Variants in PSD observed in about 807,000 individuals in gnomAD.
PSD encodes pleckstrin and Sec7 domain containing.
In PSD, 32 loss-of-function variants were observed where a neutral mutation model predicts 91.6. That is an observed-to-expected ratio of 0.35 (90% CI 0.26 to 0.47). PSD has a LOEUF of 0.47. Ranked by LOEUF, PSD falls within the 20% of genes least tolerant of loss-of-function variation. The pLI, the probability that PSD is intolerant of heterozygous loss-of-function variation, is 1.00. For synonymous variants in PSD, 532 were observed against 569.3 expected, an observed-to-expected ratio of 0.93 and a Z score of 0.93; for missense variants, 1,099 against 1,373.9, an observed-to-expected ratio of 0.80 and a Z score of 3.16.
intron 7 of PSD, 139 bp from the exon 8 acceptor site, chr10:102,411,958 C>A (rs2061429456): frequency 1.1e-6 from 1 of 905,654 alleles, no homozygotes; most frequent in Non-Finnish European, 1.8e-6. Context: ...TGCACCCTGA[C>A]CCTCCACCCA....
In PSD at chr10:102,412,522, G is replaced by C; in HGVS notation, c.1607C>G (p.Thr536Arg). The C allele has an allele frequency of 6.2e-7, 1 of 1,613,980 alleles. No homozygotes were observed. The highest frequency in any genetic ancestry group is 8.5e-7 in the Non-Finnish European group (1 of 1,180,002). The change falls in exon 6 of 17, where the codon ACA becomes AGA. Residue 536 changes from threonine to arginine, a missense_variant. Physicochemically the swap from Thr to Arg is moderately conservative, Grantham distance 71. Transcript: ENST00000020673. ...VSDSDSELDS[T>R]ERLALGSTDT... is the part of the protein sequence containing the mutation. ...TGTGCTTCCCAGGGCCAGCCGCTCTGTGCTGTCCAGCTCTGAGTCTGAGTC... is the reference window on the plus strand; with the variant it reads ...TGTGCTTCCCAGGGCCAGCCGCTCTCTGCTGTCCAGCTCTGAGTCTGAGTC...
At position 102,411,711 on chromosome 10, in the gene PSD, T is replaced by C. The variant is rs770986283; in HGVS notation, c.1938A>G (p.Ser646=). Residue 646 remains serine, a synonymous_variant, in exon 8 of 17, where the codon TCA becomes TCG. Coordinates refer to ENST00000020673, the MANE Select transcript of PSD (RefSeq NM_002779.5). The part of the protein sequence containing the change: ...YFQCNPEALS[S]EDGAHTLTCA... Reference sequence around the variant, plus strand: ...CCTGCTCTCGGAACTCCTCACCCTCTGAGGACAGGGCTTCAGGATTGCACT... The same window carrying C: ...CCTGCTCTCGGAACTCCTCACCCTCCGAGGACAGGGCTTCAGGATTGCACT... The C allele has an allele frequency of 1.9e-6, 3 of 1,612,418 alleles. No homozygotes were observed. The Admixed American group carries it at 5.0e-5, about 27-fold the overall frequency.
rs2061404430 is a variant in PSD at position 102,409,579 on chromosome 10, C to T, written c.2091+1279G>A. Among the ~76,000 whole-genome samples, 1 of 152,040 alleles carries T rather than the reference C, an allele frequency of 6.6e-6. No individual in the cohort carries two copies. The highest frequency in any genetic ancestry group is 1.5e-5 in the Non-Finnish European group (1 of 67,976). ...TCCCTGCAGCCCTTTTCCACTGAGC[C>T]AAGAGGGGCCTCGAGGGAGGACGGA... On this transcript the variant is annotated intron_variant, in intron 10 of 16. Coordinates refer to ENST00000020673, the MANE Select transcript of PSD (RefSeq NM_002779.5). The surrounding 1 kb of genome is among the most constrained non-coding windows in gnomAD (Gnocchi z 5.7).
Position 102,416,221 on chromosome 10 carries a change from G to A in PSD, c.655-102C>T. The A allele has an allele frequency of 8.3e-7, 1 of 1,198,386 alleles. No homozygotes were observed. Among genetic ancestry groups the A allele is most frequent in the Non-Finnish European group, 1.2e-6 (1 of 841,184 alleles). 74.2% of individuals were successfully genotyped at this position (1,198,386 alleles called of 1,614,324 possible). A position where few individuals can be genotyped will look rare whatever the true frequency, so the allele number is the denominator to read the frequency against. On this transcript the variant is annotated intron_variant, in intron 2 of 16. Coordinates refer to ENST00000020673, the MANE Select transcript of PSD (RefSeq NM_002779.5). The surrounding 1 kb of genome is among the most constrained non-coding windows in gnomAD (Gnocchi z 6.0). ...AGAAATTAAAACATGCATCGACAGAGATGGAGGTTCAGAGACACAGAGACA... is the reference window on the plus strand; with the variant it reads ...AGAAATTAAAACATGCATCGACAGAAATGGAGGTTCAGAGACACAGAGACA...
At chr10:102,407,292 G>T in intron 10 of PSD, 26 bp from the exon 11 acceptor site, 1 of 1,521,562 alleles carries the variant, frequency 6.6e-7, no homozygotes, top group East Asian at 2.4e-5. Context: ...AACAAATTAG[G>T]GGGTTGTGGG....
chr10:102,405,197 G>A lies in PSD; in HGVS notation c.2383C>T (p.Leu795Phe). 1 of 1,611,238 alleles carries A rather than the reference G, an allele frequency of 6.2e-7. No individual in the cohort carries two copies. The highest frequency in any genetic ancestry group is 8.5e-7 in the Non-Finnish European group (1 of 1,179,840). ...TGACCCCGCACCTTCTGCAGGTAGAGGATCATGCCCTTGAGGATCCCGTGG... is the reference window on the plus strand; with the variant it reads ...TGACCCCGCACCTTCTGCAGGTAGAAGATCATGCCCTTGAGGATCCCGTGG... Reference protein sequence around the residue: ...SFHGILKGMILYLQKEEYKPG... With the variant: ...SFHGILKGMIFYLQKEEYKPG... The change falls in exon 13 of 17, where the codon CTC becomes TTC. Residue 795 changes from leucine to phenylalanine, a missense_variant. Leu to Phe is a conservative substitution (Grantham distance 22). Coordinates refer to ENST00000020673, the MANE Select transcript of PSD (RefSeq NM_002779.5). The surrounding 1 kb of genome is among the most constrained non-coding windows in gnomAD (Gnocchi z 5.4).
At position 102,405,359 on chromosome 10, in the gene PSD, A is replaced by C; in HGVS notation, c.2313T>G (p.Pro771=). 1 of 1,611,730 alleles carries C rather than the reference A, an allele frequency of 6.2e-7. No homozygotes were observed. Among genetic ancestry groups the C allele is most frequent in the Non-Finnish European group, 8.5e-7 (1 of 1,179,214 alleles). ...TCGGCCACATACTCTTCCTGCAGTC[A>C]GGGTCTGCGTGCACCTTTCGCACCA... is the stretch of plus-strand genomic sequence containing the variant. The part of the protein sequence containing the change: ...GALVRKVHAD[P]DCRKTPRGKR... The change falls in exon 12 of 17, where the codon CCT becomes CCG. Residue 771 remains proline, a synonymous_variant. Coordinates refer to ENST00000020673, the MANE Select transcript of PSD (RefSeq NM_002779.5). The surrounding 1 kb of genome is among the most constrained non-coding windows in gnomAD (Gnocchi z 5.4).
chr10:102,404,101 C>A lies in PSD; in HGVS notation c.2701-116G>T. ...CGGTGGCTCACGCCTGTAATCCCAGCACTTTGGGAGGCCAAGGCGGGCGGA... is the reference window on the plus strand; with the variant it reads ...CGGTGGCTCACGCCTGTAATCCCAGAACTTTGGGAGGCCAAGGCGGGCGGA... On this transcript the variant is annotated intron_variant, in intron 15 of 16. Coordinates refer to ENST00000020673, the MANE Select transcript of PSD (RefSeq NM_002779.5). The surrounding 1 kb of genome is among the most constrained non-coding windows in gnomAD (Gnocchi z 5.7). 1.5e-6 allele frequency: 2 copies of A among 1,305,238 alleles called. No individual in the cohort carries two copies. Among genetic ancestry groups the A allele is most frequent in the Non-Finnish European group, 2.0e-6 (2 of 986,968 alleles). The allele number at this position is 1,305,238 out of a possible 1,614,324, so 80.9% of individuals were successfully genotyped here.
Position 102,403,184 on chromosome 10 carries a change from C to G in PSD, c.*16G>C. ...CTTCAGGTGCCCAGCAGGCACTCCCCACCCTAAACCTCATCTCAGGGCTTC... is the reference window on the plus strand; with the variant it reads ...CTTCAGGTGCCCAGCAGGCACTCCCGACCCTAAACCTCATCTCAGGGCTTC... On this transcript the variant is annotated 3_prime_UTR_variant, in exon 17 of 17. Transcript: ENST00000020673. The surrounding 1 kb of genome is among the most constrained non-coding windows in gnomAD (Gnocchi z 6.7). 6.7e-7 allele frequency: 1 copy of G among 1,489,512 alleles called. No homozygotes were observed. The highest frequency in any genetic ancestry group is 2.4e-5 in the East Asian group (1 of 40,870). 92.3% of individuals were successfully genotyped at this position (1,489,512 alleles called of 1,614,324 possible).
chr10:102,411,282 C>T (rs2061422045), intron 8 of PSD, among the ~76,000 whole-genome samples, 166 bp from the exon 9 acceptor site: 1 of 152,190 alleles, frequency 6.6e-6, no homozygotes, highest in Non-Finnish European at 1.5e-5. Flanking sequence ...CCAGCAGATC[C>T]GTCAGCAAGG....
chr10:102,411,125 G>A lies in PSD; in HGVS notation c.1943-9C>T, dbSNP rs2061420713. On this transcript the variant is annotated splice_polypyrimidine_tract_variant and intron_variant, in intron 8 of 16. Coordinates refer to ENST00000020673, the MANE Select transcript of PSD (RefSeq NM_002779.5). The stretch of plus-strand genomic sequence containing the variant: ...CAGCGTGTGGGCGCCGTCTAGGGGA[G>A]AGCTGACTTTCAGCCTTGGCTGCCT... 5 of 1,598,274 alleles carry A rather than the reference G, an allele frequency of 3.1e-6. No homozygotes were observed. The highest frequency in any genetic ancestry group is 3.4e-6 in the Non-Finnish European group (4 of 1,169,234).
chr10:102,405,201 C>T lies in PSD; in HGVS notation c.2379G>A (p.Met793Ile). Residue 793 changes from methionine to isoleucine, a missense_variant, in exon 13 of 17, where the codon ATG (methionine) becomes ATA (isoleucine). Physicochemically the swap from Met to Ile is conservative, Grantham distance 10. Coordinates refer to ENST00000020673, the MANE Select transcript of PSD (RefSeq NM_002779.5). This position sits in a 1 kb window ranked among gnomAD's most constrained non-coding sequence, Gnocchi z 5.4. ...CCCGCACCTTCTGCAGGTAGAGGAT[C>T]ATGCCCTTGAGGATCCCGTGGAAGC... Reference protein sequence around the residue: ...WKSFHGILKGMILYLQKEEYK... With the variant: ...WKSFHGILKGIILYLQKEEYK... The T allele has an allele frequency of 6.2e-7, 1 of 1,611,246 alleles. No homozygotes were observed. The highest frequency in any genetic ancestry group is 8.5e-7 in the Non-Finnish European group (1 of 1,179,840).
rs541380654 is a variant in PSD at position 102,409,563 on chromosome 10, C to T, written c.2091+1295G>A. On this transcript the variant is annotated intron_variant, in intron 10 of 16. Coordinates refer to ENST00000020673, the MANE Select transcript of PSD (RefSeq NM_002779.5). This position sits in a 1 kb window ranked among gnomAD's most constrained non-coding sequence, Gnocchi z 5.7. ...GAGAGGTCGGACCGCTTCCCTGCAGCCCTTTTCCACTGAGCCAAGAGGGGC... is the reference window on the plus strand; with the variant it reads ...GAGAGGTCGGACCGCTTCCCTGCAGTCCTTTTCCACTGAGCCAAGAGGGGC... Among the ~76,000 whole-genome samples the T allele has an allele frequency of 2.6e-4, 40 of 152,188 alleles. No individual in the cohort carries two copies. The highest frequency in any genetic ancestry group is 1.0e-3 in the South Asian group (5 of 4,820).
rs539366113 is a variant in PSD at position 102,411,995 on chromosome 10, A to G, written c.1829+152T>C. On this transcript the variant is annotated intron_variant, in intron 7 of 16. Transcript: ENST00000020673. ...CACCCCTACCCAAGGTCCCTTTACC[A>G]GGCAGCTCTGGCCCTTGGCCATGCC... 5 of 1,015,370 alleles carry G rather than the reference A, an allele frequency of 4.9e-6. No homozygotes were observed. In the East Asian group the frequency reaches 1.2e-4, roughly 24 times the overall value. The allele number at this position is 1,015,370 out of a possible 1,614,324, so 62.9% of individuals were successfully genotyped here. A position where few individuals can be genotyped will look rare whatever the true frequency, so the allele number is the denominator to read the frequency against.
In PSD at chr10:102,412,201, C is replaced by T; in HGVS notation, c.1775G>A (p.Gly592Glu). The change falls in exon 7 of 17, where the codon GGG becomes GAG. Residue 592 changes from glycine to glutamate, a missense_variant. Gly to Glu is a moderately conservative substitution (Grantham distance 98). This residue lies in a region of PSD where 110 missense variants were observed against 218.7 expected (regional missense o/e 0.50). Transcript: ENST00000020673. ...GAAGACAAAGAACTTGAGGTACTCC[C>T]CAGCCACCAGTTTGCTGAAGTCATT... Reference protein sequence around the residue: ...KNNDFSKLVAGEYLKFFVFTG... With the variant: ...KNNDFSKLVAEEYLKFFVFTG... 2 of 1,614,178 alleles carry T rather than the reference C, an allele frequency of 1.2e-6. No homozygotes were observed. Among genetic ancestry groups the T allele is most frequent in the Non-Finnish European group, 1.7e-6 (2 of 1,180,024 alleles).
intron 11 of PSD, among the ~76,000 whole-genome samples, chr10:102,406,852 T>G (rs1053893812): frequency 5.3e-5 from 8 of 152,202 alleles, no homozygotes; most frequent in Non-Finnish European, 1.0e-4. Context: ...ACAGCATGGT[T>G]ACTTGTTTTG....
At position 102,404,839 on chromosome 10, in the gene PSD, G is replaced by T; in HGVS notation, c.2555+59C>A. The T allele has an allele frequency of 1.3e-6, 2 of 1,591,958 alleles. No individual in the cohort carries two copies. Among genetic ancestry groups the T allele is most frequent in the South Asian group, 2.3e-5 (2 of 88,586 alleles). On this transcript the variant is annotated intron_variant, in intron 14 of 16. Coordinates refer to ENST00000020673, the MANE Select transcript of PSD (RefSeq NM_002779.5). This position sits in a 1 kb window ranked among gnomAD's most constrained non-coding sequence, Gnocchi z 5.7. ...GAATGAAAAAATCCAGGGACAGGGA[G>T]GGGAGCAGGATGGGAGGTGGGGGAA...
intron 1 of PSD, among the ~76,000 whole-genome samples, chr10:102,417,340 C>G (rs1358551568): frequency 3.3e-5 from 5 of 152,108 alleles, no homozygotes; most frequent in Non-Finnish European, 7.4e-5. Context: ...TCCTTTCCTT[C>G]TGCCTGAGGC....
Position 102,409,281 on chromosome 10 carries a change from G to T in PSD, c.2091+1577C>A. 2 of 985,678 alleles carry T rather than the reference G, an allele frequency of 2.0e-6. No individual in the cohort carries two copies. Among genetic ancestry groups the T allele is most frequent in the South Asian group, 9.1e-5 (2 of 21,918 alleles). The allele number at this position is 985,678 out of a possible 1,614,324, so 61.1% of individuals were successfully genotyped here. ...CGGCGGCGGCGCTGTCTGCTCTGCG[G>T]CTTGGCTAGAGCGGGAGGGGGGCGC... On this transcript the variant is annotated intron_variant, in intron 10 of 16. Coordinates refer to ENST00000020673, the MANE Select transcript of PSD (RefSeq NM_002779.5). This position sits in a 1 kb window ranked among gnomAD's most constrained non-coding sequence, Gnocchi z 5.7.
Sources: gnomAD v4.1 joint callset for allele counts (sites outside exome capture counted in the v4.1 genomes callset) on GRCh38, gnomAD v4.1.1 for gene constraint, gnomAD v4.1.1 regional missense constraint, Gnocchi (gnomAD v3.1) non-coding constraint, MANE v1.5 for transcripts, NCBI Gene and HGNC (gene_info 2026-07-23, HGNC 2026-07-21) for gene names.